HELLS: variants seen among roughly 807,000 people sequenced by gnomAD.
HELLS encodes the protein helicase, lymphoid specific.
In HELLS, 32 loss-of-function variants were observed where a neutral mutation model predicts 120.0. The observed-to-expected ratio is 0.27, with a 90% confidence interval of 0.20 to 0.36. The LOEUF (loss-of-function observed/expected upper bound fraction) is 0.36. HELLS is among the 10% of genes least tolerant of loss of function. HELLS has a pLI of 1.00. For synonymous variants in HELLS, 341 were observed against 323.4 expected (o/e 1.05, Z -0.58); for missense variants, 650 against 993.4 (o/e 0.65, Z 4.65).
At chr10:94,576,482 A>G (rs550898982) in intron 9 of HELLS, among the ~76,000 whole-genome samples, 180 bp from the exon 10 acceptor site, 148 of 149,602 alleles carry the variant, frequency 9.9e-4, no homozygotes, top group African/African-American at 3.4e-3. Flanking sequence ...TTTTTTTTTC[A>G]TTTTCTCCCA....
chr10:94,584,854 C>G (rs1229652010), intron 12 of HELLS, among the ~76,000 whole-genome samples: 1 of 151,978 alleles, frequency 6.6e-6, no homozygotes, highest in Non-Finnish European at 1.5e-5. Flanking sequence ...AAAATAGGGG[C>G]AGTTTTGAAT....
chr10:94,546,270 G>C, intron 1 of HELLS, 107 bp from the exon 2 acceptor site: 1 of 1,380,912 alleles, frequency 7.2e-7, no homozygotes, highest in African/African-American at 1.4e-5. Context: ...TCGGTCTTCA[G>C]CTTTTGCTCC....
chr10:94,567,035 C>T (rs1274891610), intron 6 of HELLS, among the ~76,000 whole-genome samples: 2 of 152,136 alleles, frequency 1.3e-5, no homozygotes, highest in Non-Finnish European at 2.9e-5. Context: ...TTCCTCTTCG[C>T]CTAACTAAAT....
intron 18 of HELLS, among the ~76,000 whole-genome samples, chr10:94,594,051 G>A (rs1845630024): frequency 6.7e-6 from 1 of 149,208 alleles, no homozygotes; most frequent in African/African-American, 2.5e-5. Flanking sequence ...TTACCAGCAT[G>A]AGCCACCGCG....
chr10:94,606,757 T>G (rs187415297), downstream of HELLS, among the ~76,000 whole-genome samples: 2 of 152,368 alleles, frequency 1.3e-5, no homozygotes, highest in Admixed American at 6.5e-5. Flanking sequence ...ATTTTGATGC[T>G]TCTTCAAATG....
chr10:94,608,861 T>C (rs1846157072), intron 9 of HELLS, among the ~76,000 whole-genome samples: 1 of 152,110 alleles, frequency 6.6e-6, no homozygotes, highest in African/African-American at 2.4e-5. Context: ...TTGCAACTTC[T>C]GGCGGCTGCA....
chr10:94,562,887 A>G lies in HELLS; in HGVS notation c.435+11A>G, dbSNP rs1304653817. ...GTCATGTCAAAAGAGGTAAAAATAA[A>G]AGGGAGAGGGCACCTAACATTTGAT... On this transcript the variant is annotated intron_variant, in intron 6 of 21. Transcript: ENST00000348459. The G allele has an allele frequency of 6.6e-7, 1 of 1,506,930 alleles. No homozygotes were observed. The highest frequency in any genetic ancestry group is 9.1e-7 in the Non-Finnish European group (1 of 1,094,738). 93.3% of individuals were successfully genotyped at this position (1,506,930 alleles called of 1,614,324 possible).
downstream of HELLS, among the ~76,000 whole-genome samples, chr10:94,605,429 A>G (rs1846118185): frequency 6.6e-6 from 1 of 151,690 alleles, no homozygotes; most frequent in African/African-American, 2.4e-5. Flanking sequence ...ACTTTGATGG[A>G]TTATGTTGTC....
At chr10:94,553,264 T>G (rs1438094721) in intron 2 of HELLS, among the ~76,000 whole-genome samples, 1 of 152,048 alleles carries the variant, frequency 6.6e-6, no homozygotes, top group Admixed American at 6.6e-5. Flanking sequence ...TTTTTTTTTT[T>G]TCCGGACGGA....
Position 94,591,003 on chromosome 10 carries a change from T to G in HELLS, c.1767+227T>G, listed in dbSNP as rs116523387. Among the ~76,000 whole-genome samples the G allele has an allele frequency of 3.1e-3, 474 of 152,280 alleles. 3 individuals carry two copies. The highest frequency in any genetic ancestry group is 0.011 in the African/African-American group (448 of 41,562). ...CTATGAGCAACTAGTTTTTTAAATT[T>G]TTTTATTTTTTATAGAGACAGGGTC... On this transcript the variant is annotated intron_variant, in intron 15 of 21. Coordinates refer to ENST00000348459, the MANE Select transcript of HELLS (RefSeq NM_018063.5).
At chr10:94,560,117 C>G (rs1589711486) in intron 4 of HELLS, among the ~76,000 whole-genome samples, 1 of 152,190 alleles carries the variant, frequency 6.6e-6, no homozygotes, top group East Asian at 2.0e-4. Context: ...ACTGCAACCT[C>G]TGTCTCCTGG....
In HELLS at chr10:94,562,842, A is replaced by G; in HGVS notation, c.401A>G (p.Glu134Gly). ...VMRKKRGRED[E>G]SYNISEVMSK... ...AGGAAAAAAAGAGGAAGAGAAGATG[A>G]ATCATACAATATTTCAGAGGTCATG... The change falls in exon 6 of 22, where the codon GAA (glutamate) becomes GGA (glycine). Residue 134 changes from glutamate (E) to glycine (G), a missense_variant. Transcript: ENST00000348459. The G allele has an allele frequency of 6.3e-7, 1 of 1,580,200 alleles. No homozygotes were observed. Among genetic ancestry groups the G allele is most frequent in the Admixed American group, 1.7e-5 (1 of 57,880 alleles).
chr10:94,596,397 T>G (rs1464822226), intron 19 of HELLS, among the ~76,000 whole-genome samples: 1 of 152,222 alleles, frequency 6.6e-6, no homozygotes, highest in Non-Finnish European at 1.5e-5. Flanking sequence ...AGTATTCTGA[T>G]TTTTGTCACA....
intron 4 of HELLS, among the ~76,000 whole-genome samples, chr10:94,560,696 C>CTAAATAAA (rs201682761): frequency 6.6e-5 from 10 of 151,280 alleles, no homozygotes; most frequent in African/African-American, 1.9e-4. Flanking sequence ...GACTCTGTTC[C>CTAAATAAA]TAAATAAATA....
At chr10:94,608,607 A>G (rs564375143) in intron 9 of HELLS, among the ~76,000 whole-genome samples, 13 of 151,886 alleles carry the variant, frequency 8.6e-5, no homozygotes, top group Admixed American at 2.0e-4. Context: ...AAAACAGTAT[A>G]GTCATAACAC....
intron 2 of HELLS, among the ~76,000 whole-genome samples, chr10:94,552,030 C>T (rs1307019840): frequency 8.5e-5 from 13 of 152,162 alleles, no homozygotes; most frequent in African/African-American, 2.4e-4. Context: ...TGAGCCACCG[C>T]GCCCAGCCTC....
intron 10 of HELLS, among the ~76,000 whole-genome samples, chr10:94,580,820 TCA>T (rs1376863737): frequency 1.3e-5 from 2 of 152,140 alleles, no homozygotes; most frequent in Non-Finnish European, 2.9e-5. Context: ...ATATGAGAAA[TCA>T]CAGATATTAA....
Position 94,562,848 on chromosome 10 carries a change from A to G in HELLS, c.407A>G (p.Tyr136Cys), listed in dbSNP as rs1843623633. 2 of 1,580,488 alleles carry G rather than the reference A, an allele frequency of 1.3e-6. No homozygotes were observed. The highest frequency in any genetic ancestry group is 1.4e-5 in the African/African-American group (1 of 73,834). The change falls in exon 6 of 22, where the codon TAC becomes TGC. Residue 136 changes from tyrosine to cysteine, a missense_variant. Transcript: ENST00000348459. ...AAAAGAGGAAGAGAAGATGAATCAT[A>G]CAATATTTCAGAGGTCATGTCAAAA... Reference protein sequence around the residue: ...RKKRGREDESYNISEVMSKEE... With the variant: ...RKKRGREDESCNISEVMSKEE...
chr10:94,588,822 A>G (rs904955224), intron 13 of HELLS, among the ~76,000 whole-genome samples: 2 of 152,134 alleles, frequency 1.3e-5, no homozygotes, highest in African/African-American at 4.8e-5. Flanking sequence ...TAATCTTTGT[A>G]TTAATTGCTT....
Sources: gnomAD v4.1 joint callset for allele counts (sites outside exome capture counted in the v4.1 genomes callset) on GRCh38, gnomAD v4.1.1 for gene constraint, MANE v1.5 for transcripts, NCBI Gene and HGNC (gene_info 2026-07-23, HGNC 2026-07-21) for gene names.